RASSF5: variants seen among roughly 807,000 people sequenced by gnomAD.
RASSF5 encodes the protein ras association domain-containing protein 5.
RASSF5 carries 25 observed loss-of-function variants against 40.5 expected under a neutral mutation model. The ratio of observed to expected loss-of-function variants is 0.62; its 90% confidence interval spans 0.45 to 0.86. The LOEUF is 0.86. Among genes scored for constraint, RASSF5 ranks in the 40% least tolerant of loss-of-function variants. The pLI, the probability that RASSF5 is intolerant of heterozygous loss-of-function variation, is 0.00. For missense variants in RASSF5, 521 were observed against 572.8 expected (o/e 0.91, Z 0.92); for synonymous variants, 246 against 252.4 (o/e 0.97, Z 0.24).
At chr1:206,575,825 A>T (rs1273539393) in intron 2 of RASSF5, among the ~76,000 whole-genome samples, 4 of 152,226 alleles carry the variant, frequency 2.6e-5, no homozygotes, top group African/African-American at 4.8e-5. Flanking sequence ...ATTTGTTCTC[A>T]TCAGCTAGCT....
chr1:206,523,554 A>C (rs1666977594), intron 1 of RASSF5, among the ~76,000 whole-genome samples: 1 of 97,310 alleles, frequency 1.0e-5, no homozygotes. Context: ...AAATATATAT[A>C]CACTCTAGCC....
At chr1:206,561,884 G>A (rs1252415725) in intron 2 of RASSF5, among the ~76,000 whole-genome samples, 6 of 150,954 alleles carry the variant, frequency 4.0e-5, no homozygotes, top group Non-Finnish European at 8.8e-5. Flanking sequence ...TGTTGGCCAG[G>A]TCTTGAACTC....
intron 1 of RASSF5, among the ~76,000 whole-genome samples, chr1:206,510,888 CAGG>C (rs1553394559): frequency 6.6e-6 from 1 of 152,106 alleles, no homozygotes; most frequent in African/African-American, 2.4e-5. Context: ...TGGAAACAAG[CAGG>C]AGGGCAGTGG....
chr1:206,571,787 G>A (rs912118139), intron 2 of RASSF5, among the ~76,000 whole-genome samples: 1 of 152,206 alleles, frequency 6.6e-6, no homozygotes, highest in Non-Finnish European at 1.5e-5. Context: ...AAAGGACGCT[G>A]ACCTAGGTGA....
At chr1:206,520,809 G>A (rs1666886041) in intron 1 of RASSF5, among the ~76,000 whole-genome samples, 1 of 152,172 alleles carries the variant, frequency 6.6e-6, no homozygotes, top group South Asian at 2.1e-4. Flanking sequence ...TTGAAACCAT[G>A]TTTGGTGCAT....
chr1:206,561,010 G>T (rs1668122485), intron 2 of RASSF5, among the ~76,000 whole-genome samples: 1 of 152,180 alleles, frequency 6.6e-6, no homozygotes, highest in South Asian at 2.1e-4. Flanking sequence ...GCCTACAGGT[G>T]GTGGCCATTT....
chr1:206,568,852 A>G (rs10863710), intron 2 of RASSF5, among the ~76,000 whole-genome samples: 83,749 of 152,200 alleles, frequency 0.55, 23,462 homozygotes, highest in Middle Eastern at 0.64. Flanking sequence ...TGTGAGGGCA[A>G]GGATGTGATT....
chr1:206,510,481 C>T (rs1252252009), intron 1 of RASSF5, among the ~76,000 whole-genome samples: 8 of 152,200 alleles, frequency 5.3e-5, no homozygotes, highest in African/African-American at 1.9e-4. Context: ...TAGCAAAATG[C>T]AATACGAATG....
intron 1 of RASSF5, among the ~76,000 whole-genome samples, chr1:206,521,404 G>A (rs1666901435): frequency 6.6e-6 from 1 of 152,228 alleles, no homozygotes; most frequent in Admixed American, 6.5e-5. Flanking sequence ...CCAGTTGGAT[G>A]TAGTAGCCTG....
chr1:206,536,538 C>T (rs1415864088), intron 1 of RASSF5, among the ~76,000 whole-genome samples: 1 of 151,556 alleles, frequency 6.6e-6, no homozygotes, highest in African/African-American at 2.4e-5. Flanking sequence ...AGGGAAGGGG[C>T]AGCTGGGGAG....
intron 5 of RASSF5, chr1:206,586,482 C>A: frequency 4.4e-6 from 1 of 228,474 alleles, no homozygotes; most frequent in South Asian, 5.9e-5. Flanking sequence ...ACTCCTCCAC[C>A]TGCTTTCTGA....
intron 1 of RASSF5, among the ~76,000 whole-genome samples, chr1:206,512,042 C>A (rs1312885796): frequency 4.6e-5 from 7 of 152,190 alleles, no homozygotes; most frequent in African/African-American, 1.7e-4. Flanking sequence ...GGTATTTGCG[C>A]ACCCAGCAGC....
Position 206,568,347 on chromosome 1 carries a change from G to A in RASSF5, c.580-14922G>A, listed in dbSNP as rs946864637. Among the ~76,000 whole-genome samples the A allele has an allele frequency of 8.5e-5, 13 of 152,334 alleles. No homozygotes were observed. In the East Asian group the frequency reaches 2.5e-3, roughly 29 times the overall value. ...CACGCAGCATGTGAGGAGAGGACTC[G>A]TGTGGGCTGGTGAAGAGGCGCCCCA... is the stretch of plus-strand genomic sequence containing the variant. On this transcript the variant is annotated intron_variant, in intron 2 of 5. Coordinates refer to ENST00000579436, the MANE Select transcript of RASSF5 (RefSeq NM_182663.4).
intron 1 of RASSF5, among the ~76,000 whole-genome samples, chr1:206,514,482 A>C (rs1253743345): frequency 6.6e-6 from 1 of 152,158 alleles, no homozygotes; most frequent in Non-Finnish European, 1.5e-5. Context: ...TGAGTATGAC[A>C]CTTACCTGTG....
intron 2 of RASSF5, chr1:206,541,762 C>A (rs1667550231): frequency 6.6e-6 from 1 of 152,178 alleles, no homozygotes; most frequent in Non-Finnish European, 1.5e-5. Flanking sequence ...TAGGATTATA[C>A]CCCAAAGAAT....
chr1:206,567,204 C>T (rs1668313063), intron 2 of RASSF5, among the ~76,000 whole-genome samples: 1 of 152,162 alleles, frequency 6.6e-6, no homozygotes, highest in African/African-American at 2.4e-5. Flanking sequence ...AGCAACCAAG[C>T]CCTGGCACCT....
intron 2 of RASSF5, among the ~76,000 whole-genome samples, chr1:206,563,496 C>T (rs1553402974): frequency 6.6e-6 from 1 of 152,134 alleles, no homozygotes; most frequent in African/African-American, 2.4e-5. Flanking sequence ...CTCAGCACTT[C>T]TCTGGTTTCT....
rs1166582186 is a variant in RASSF5, at chr1:206,579,942, G to T, written c.580-3327G>T. 6.6e-6 allele frequency among the ~76,000 whole-genome samples: 1 copy of T among 152,230 alleles called. No homozygotes were observed. The highest frequency in any genetic ancestry group is 2.4e-5 in the African/African-American group (1 of 41,454). ...ATTTTTGTGGGCAGCAGCCATCCCA[G>T]ACCTGGGTGCTGGCATTCCATGGCT... On this transcript the variant is annotated intron_variant, in intron 2 of 5. Coordinates refer to ENST00000579436, the MANE Select transcript of RASSF5 (RefSeq NM_182663.4). The surrounding 1 kb of genome is among the most constrained non-coding windows in gnomAD (Gnocchi z 4.2).
In RASSF5 at chr1:206,576,633, T is replaced by A. The variant is rs541189036; in HGVS notation, c.580-6636T>A. On this transcript the variant is annotated intron_variant, in intron 2 of 5. Coordinates refer to ENST00000579436, the MANE Select transcript of RASSF5 (RefSeq NM_182663.4). ...CATGTGGGAATCAAAATGCCAGGGA[T>A]CTGGTACATTAAGAGAGCAGAGGAT... Among the ~76,000 whole-genome samples the A allele has an allele frequency of 3.3e-5, 5 of 152,250 alleles. No homozygotes were observed. The East Asian group carries it at 9.7e-4, about 29-fold the overall frequency.
Sources: gnomAD v4.1 joint callset for allele counts (sites outside exome capture counted in the v4.1 genomes callset) on GRCh38, gnomAD v4.1.1 for gene constraint, Gnocchi (gnomAD v3.1) non-coding constraint, MANE v1.5 for transcripts, NCBI Gene and HGNC (gene_info 2026-07-23, HGNC 2026-07-21) for gene names.